The following DTWD2 variants were observed in gnomAD, a reference collection of about 807,000 sequenced individuals.
The protein encoded by DTWD2 is DTW motif tRNA-uridine aminocarboxypropyltransferase 2.
A neutral mutation model predicts 31.8 loss-of-function variants in DTWD2; 39 were observed. The ratio of observed to expected loss-of-function variants is 1.22; its 90% confidence interval spans 0.95 to 1.60. The LOEUF (loss-of-function observed/expected upper bound fraction) is 1.60. DTWD2 is among the 40% of genes most tolerant of loss of function. The pLI, the probability that DTWD2 is intolerant of heterozygous loss-of-function variation, is 0.00. For synonymous variants in DTWD2, 180 were observed against 142.8 expected (o/e 1.26, Z -1.86); for missense variants, 515 against 381.5 (o/e 1.35, Z -2.92).
chr5:118,941,291 A>AG (rs1406382957), intron 2 of DTWD2, among the ~76,000 whole-genome samples: 2 of 152,120 alleles, frequency 1.3e-5, no homozygotes, highest in Non-Finnish European at 1.5e-5. Context: ...CTCGTCATTT[A>AG]CATTAGGTCT....
chr5:118,925,595 C>T (rs989879776), intron 4 of DTWD2, among the ~76,000 whole-genome samples: 2 of 152,114 alleles, frequency 1.3e-5, no homozygotes, highest in African/African-American at 4.8e-5. Context: ...CCTGTAATTC[C>T]AGCACTTTGG....
At chr5:118,888,589 A>G (rs1441220994) in intron 4 of DTWD2, among the ~76,000 whole-genome samples, 1 of 152,232 alleles carries the variant, frequency 6.6e-6, no homozygotes, top group Non-Finnish European at 1.5e-5. Flanking sequence ...TTGTATAGAC[A>G]TATACTTTTC....
intron 4 of DTWD2, among the ~76,000 whole-genome samples, chr5:118,865,400 T>C (rs1418738655): frequency 6.6e-6 from 1 of 152,152 alleles, no homozygotes; most frequent in Non-Finnish European, 1.5e-5. Context: ...TTCCCTTCAG[T>C]TCGTTCCTAA....
intron 4 of DTWD2, among the ~76,000 whole-genome samples, chr5:118,892,559 T>C (rs181930852): frequency 6.6e-6 from 1 of 152,220 alleles, no homozygotes; most frequent in East Asian, 1.9e-4. Flanking sequence ...ACATTTTAAA[T>C]AAATTCATTT....
chr5:118,848,300 T>C (rs1384007908), intron 4 of DTWD2, 82 bp from the exon 5 acceptor site: 3 of 1,305,216 alleles, frequency 2.3e-6, no homozygotes, highest in Non-Finnish European at 3.1e-6. Context: ...CTAATTACTT[T>C]CCTTCCAAAA....
chr5:118,874,058 T>C (rs1375688802), intron 4 of DTWD2, among the ~76,000 whole-genome samples: 1 of 152,170 alleles, frequency 6.6e-6, no homozygotes, highest in Non-Finnish European at 1.5e-5. Context: ...CCCCAGGAGT[T>C]ACAGCACTCA....
intron 4 of DTWD2, among the ~76,000 whole-genome samples, chr5:118,918,919 A>C (rs1267074875): frequency 2.6e-5 from 4 of 152,002 alleles, no homozygotes; most frequent in African/African-American, 9.7e-5. Flanking sequence ...AACAAGACAC[A>C]TTTGCCACCA....
intron 4 of DTWD2, among the ~76,000 whole-genome samples, chr5:118,907,204 T>C (rs1753351937): frequency 1.3e-5 from 2 of 152,234 alleles, no homozygotes; most frequent in African/African-American, 2.4e-5. Flanking sequence ...CTTTCAAATA[T>C]AGCTTTGCCA....
intron 5 of DTWD2, among the ~76,000 whole-genome samples, chr5:118,842,829 C>A (rs1751750457): frequency 6.6e-6 from 1 of 151,276 alleles, no homozygotes. Context: ...CACCTGTGGT[C>A]CCAGCTACTC....
intron 3 of DTWD2, among the ~76,000 whole-genome samples, chr5:118,933,566 A>G (rs1753972093): frequency 6.6e-6 from 1 of 152,206 alleles, no homozygotes; most frequent in South Asian, 2.1e-4. Context: ...GACTGTATCA[A>G]TTCACAAAGA....
chr5:118,914,853 T>C (rs146282479), intron 4 of DTWD2, among the ~76,000 whole-genome samples: 1 of 152,336 alleles, frequency 6.6e-6, no homozygotes, highest in East Asian at 1.9e-4. Flanking sequence ...GCCATTTGGC[T>C]AGCATCCTGG....
In DTWD2 at chr5:118,886,961, C is replaced by G. The variant is rs75939370; in HGVS notation, c.598-38743G>C. Among the ~76,000 whole-genome samples, 242 of 151,818 alleles carry G rather than the reference C, an allele frequency of 1.6e-3. 1 individual carries two copies. The highest frequency in any genetic ancestry group is 5.5e-3 in the African/African-American group (228 of 41,428). On this transcript the variant is annotated intron_variant, in intron 4 of 5. Transcript: ENST00000510708. ...AAGAAATTAATGCCAATAAAGAAAC[C>G]CGAATTAACAATAGGAAAAGTACCG...
At chr5:118,975,512 T>C (rs936188982) in intron 1 of DTWD2, among the ~76,000 whole-genome samples, 2 of 152,206 alleles carry the variant, frequency 1.3e-5, no homozygotes, top group Non-Finnish European at 2.9e-5. Flanking sequence ...ACCCACTTTC[T>C]GAAGCCTACT....
chr5:118,917,361 T>C (rs189793453), intron 4 of DTWD2, among the ~76,000 whole-genome samples: 4 of 151,844 alleles, frequency 2.6e-5, no homozygotes, highest in Non-Finnish European at 5.9e-5. Flanking sequence ...AAAGAAACAA[T>C]AGGGAAGGGA....
chr5:118,839,964 C>G lies in DTWD2; in HGVS notation c.*953G>C, dbSNP rs1225247730. 6.6e-6 allele frequency: 1 copy of G among 152,070 alleles called. No individual in the cohort carries two copies. 9.4% of individuals were successfully genotyped at this position (152,070 alleles called of 1,614,324 possible). ...CTAGAACTCATAAACAAAGACTAAACAAAATCCCCTCTTCCTGCCAAAATG... is the reference window on the plus strand; with the variant it reads ...CTAGAACTCATAAACAAAGACTAAAGAAAATCCCCTCTTCCTGCCAAAATG... On this transcript the variant is annotated 3_prime_UTR_variant, in exon 6 of 6. Transcript: ENST00000510708.
intron 2 of DTWD2, among the ~76,000 whole-genome samples, chr5:118,944,045 T>C (rs1450836992): frequency 2.6e-5 from 4 of 152,224 alleles, no homozygotes; most frequent in African/African-American, 2.4e-5. Context: ...CACATATGTA[T>C]TTTACCTGCA....
chr5:118,857,424 C>G (rs1413116670), intron 4 of DTWD2, among the ~76,000 whole-genome samples: 1 of 152,056 alleles, frequency 6.6e-6, no homozygotes, highest in Admixed American at 6.5e-5. Flanking sequence ...ATGACAAATG[C>G]TATTAAGACT....
At chr5:118,945,779 A>AAAGAAAGAAAGAAAGAAAGAAAGC (rs1754325607) in intron 1 of DTWD2, among the ~76,000 whole-genome samples, 1 of 18,810 alleles carries the variant, frequency 5.3e-5, no homozygotes, top group African/African-American at 2.1e-4. Context: ...AAAAAAAAAG[A>AAAGAAAGAAAGAAAGAAAGAAAGC]AAGAAAGAAA....
intron 1 of DTWD2, among the ~76,000 whole-genome samples, chr5:118,981,980 T>C (rs797022487): frequency 3.3e-5 from 5 of 152,324 alleles, no homozygotes; most frequent in African/African-American, 1.2e-4. Flanking sequence ...TATTATGTGG[T>C]GTAGCAATAA....
Sources: allele counts gnomAD v4.1 joint callset (sites outside exome capture counted in the v4.1 genomes callset), GRCh38; gene constraint gnomAD v4.1.1; transcripts MANE v1.5; gene names NCBI Gene and HGNC (gene_info 2026-07-23, HGNC 2026-07-21).